The following CADM2 variants were observed in gnomAD, a reference collection of about 807,000 sequenced individuals.
CADM2 encodes immunoglobulin superfamily member 4D.
Under a neutral mutation model 49.8 loss-of-function variants are expected in CADM2, and 12 were observed. The ratio of observed to expected loss-of-function variants is 0.24; its 90% CI spans 0.15 to 0.39. The LOEUF is 0.39. Among genes scored for constraint, CADM2 ranks in the 10% least tolerant of loss-of-function variants. The pLI is 1.00. For synonymous variants in CADM2, 214 were observed against 175.4 expected, an observed-to-expected ratio of 1.22 and a Z score of -1.74; for missense variants, 378 against 492.3, an observed-to-expected ratio of 0.77 and a Z score of 2.20.
intron 1 of CADM2, among the ~76,000 whole-genome samples, chr3:85,536,852 T>C (rs2061431907): frequency 6.6e-6 from 1 of 152,014 alleles, no homozygotes; most frequent in Admixed American, 6.6e-5. Flanking sequence ...CTTTGCTCCC[T>C]GTGGTTTTGT....
intron 1 of CADM2, among the ~76,000 whole-genome samples, chr3:85,610,540 C>A (rs1217225755): frequency 1.3e-5 from 2 of 151,850 alleles, no homozygotes; most frequent in Non-Finnish European, 2.9e-5. Context: ...ATGCACCAGG[C>A]ACTCTCATAA....
chr3:85,850,314 CTTTTTTTTTT>C (rs577604958), intron 3 of CADM2, among the ~76,000 whole-genome samples: 3 of 76,064 alleles, frequency 3.9e-5, no homozygotes, highest in South Asian at 4.9e-4. Flanking sequence ...TGTTGCAATT[CTTTTTTTTTT>C]TTTTTTTTTT....
intron 1 of CADM2, among the ~76,000 whole-genome samples, chr3:85,644,750 G>T (rs1028692511): frequency 6.6e-6 from 1 of 152,046 alleles, no homozygotes; most frequent in Non-Finnish European, 1.5e-5. Context: ...AGTAACTCTG[G>T]CTCATTTCTA....
In CADM2 at chr3:86,043,697, T is replaced by C. The variant is rs557058753; in HGVS notation, c.971-21908T>C. ...GCTACCAATGACTTTCTTCACAGAA[T>C]TGGAAAAAACTACTTTAAATTTCAT... On this transcript the variant is annotated intron_variant, in intron 8 of 9. Coordinates refer to ENST00000383699, the MANE Select transcript of CADM2 (RefSeq NM_001167675.2). Among the ~76,000 whole-genome samples the C allele has an allele frequency of 3.9e-5, 6 of 152,230 alleles. No homozygotes were observed. In the East Asian group the frequency reaches 5.8e-4, roughly 15 times the overall value.
chr3:85,106,511 A>G (rs1356437817), intron 1 of CADM2, among the ~76,000 whole-genome samples: 1 of 152,144 alleles, frequency 6.6e-6, no homozygotes, highest in Non-Finnish European at 1.5e-5. Context: ...ATTCACTTAT[A>G]CCATAAATGA....
chr3:85,559,433 C>T (rs1315593275), intron 1 of CADM2, among the ~76,000 whole-genome samples: 1 of 151,942 alleles, frequency 6.6e-6, no homozygotes, highest in Non-Finnish European at 1.5e-5. Context: ...TTTGATAAGA[C>T]AGTAGTCTGT....
At chr3:85,241,513 C>G (rs1055162828) in intron 1 of CADM2, among the ~76,000 whole-genome samples, 1 of 151,128 alleles carries the variant, frequency 6.6e-6, no homozygotes, top group Non-Finnish European at 1.5e-5. Context: ...GAGATAGATT[C>G]TTAGGATAAT....
chr3:85,302,602 A>G (rs2044127308), intron 1 of CADM2, among the ~76,000 whole-genome samples: 2 of 152,044 alleles, frequency 1.3e-5, no homozygotes, highest in Non-Finnish European at 2.9e-5. Context: ...ATCAAAGTGT[A>G]GACTGGTTAA....
At chr3:84,988,329 G>A (rs1345402065) in intron 1 of CADM2, among the ~76,000 whole-genome samples, 1 of 152,200 alleles carries the variant, frequency 6.6e-6, no homozygotes, top group Non-Finnish European at 1.5e-5. Context: ...TATCTTCTGT[G>A]ACTTTGGCCT....
chr3:84,961,581 C>T (rs545492369), intron 1 of CADM2, among the ~76,000 whole-genome samples: 1 of 152,228 alleles, frequency 6.6e-6, no homozygotes, highest in East Asian at 1.9e-4. Context: ...CCTACTTCAC[C>T]TCTCAGTAAC....
intron 1 of CADM2, among the ~76,000 whole-genome samples, chr3:85,638,901 A>G (rs2064609931): frequency 6.6e-6 from 1 of 152,146 alleles, no homozygotes; most frequent in Non-Finnish European, 1.5e-5. Context: ...ATGTAAACTT[A>G]GAAAGGTTTT....
At chr3:85,262,416 A>C (rs2043032547) in intron 1 of CADM2, among the ~76,000 whole-genome samples, 1 of 152,094 alleles carries the variant, frequency 6.6e-6, no homozygotes, top group Non-Finnish European at 1.5e-5. Flanking sequence ...GACAGATGAA[A>C]CCAAGTTGAC....
At chr3:85,618,336 T>A (rs1432621878) in intron 1 of CADM2, among the ~76,000 whole-genome samples, 1 of 152,106 alleles carries the variant, frequency 6.6e-6, no homozygotes, top group Non-Finnish European at 1.5e-5. Context: ...AGACTAGGTA[T>A]GGTAGGGGAG....
chr3:85,542,323 C>G (rs1425523836), intron 1 of CADM2, among the ~76,000 whole-genome samples: 2 of 152,036 alleles, frequency 1.3e-5, no homozygotes, highest in Non-Finnish European at 1.5e-5. Context: ...AGGAGTTTAC[C>G]TAAACATTAA....
intron 6 of CADM2, among the ~76,000 whole-genome samples, chr3:85,918,873 C>T (rs1037094885): frequency 2.0e-5 from 3 of 151,916 alleles, no homozygotes; most frequent in African/African-American, 7.2e-5. Context: ...TTTAGAAGAA[C>T]ATATTGTATG....
In CADM2 at chr3:85,961,638, A is replaced by G; in HGVS notation, c.961A>G (p.Ile321Val). The G allele has an allele frequency of 6.4e-7, 1 of 1,561,174 alleles. No individual in the cohort carries two copies. The highest frequency in any genetic ancestry group is 1.2e-5 in the South Asian group (1 of 84,278). ...CCAAAGCAGTGCGGAATATGTTCTC[A>G]TTGTGCATGGTGAGTAAATTTTGGA... is the stretch of plus-strand genomic sequence containing the variant. Reference protein sequence around the residue: ...IGQSSAEYVLIVHDPNALAGQ... With the variant: ...IGQSSAEYVLVVHDPNALAGQ... Residue 321 changes from isoleucine to valine, a missense_variant, in exon 8 of 10, where the codon ATT (isoleucine) becomes GTT (valine). Coordinates refer to ENST00000383699, the MANE Select transcript of CADM2 (RefSeq NM_001167675.2).
intron 1 of CADM2, among the ~76,000 whole-genome samples, chr3:85,291,551 ACCCTCAAAGGGAAGC>A (rs1242899296): frequency 1.4e-4 from 21 of 147,560 alleles, no homozygotes; most frequent in Middle Eastern, 3.4e-3. Flanking sequence ...AGGTCGGGTT[ACCCTCAAAGGGAAGC>A]CCATCAGACT....
chr3:85,337,289 T>C (rs554450431), intron 1 of CADM2, among the ~76,000 whole-genome samples: 1 of 150,962 alleles, frequency 6.6e-6, no homozygotes, highest in Non-Finnish European at 1.5e-5. Flanking sequence ...GCAAATGATA[T>C]AATTTAAATA....
At chr3:85,412,163 A>G (rs2035685918) in intron 1 of CADM2, among the ~76,000 whole-genome samples, 1 of 152,108 alleles carries the variant, frequency 6.6e-6, no homozygotes, top group African/African-American at 2.4e-5. Context: ...CCTTACACAT[A>G]TATAGAATTT....
Sources: gnomAD v4.1 joint callset for allele counts (sites outside exome capture counted in the v4.1 genomes callset) on GRCh38, gnomAD v4.1.1 for gene constraint, MANE v1.5 for transcripts, NCBI Gene and HGNC (gene_info 2026-07-23, HGNC 2026-07-21) for gene names.